KCTD16: variants seen among roughly 807,000 people sequenced by gnomAD.
KCTD16 encodes BTB/POZ domain-containing protein KCTD16.
In KCTD16, 13 loss-of-function variants were observed where a neutral mutation model predicts 33.2. That is an observed-to-expected ratio of 0.39 (90% CI 0.25 to 0.62). The LOEUF (loss-of-function observed/expected upper bound fraction) is 0.62, where lower values mean the gene tolerates loss of function less well. Among genes scored for constraint, KCTD16 ranks in the 20% least tolerant of loss-of-function variants. KCTD16 has a pLI of 0.50. For synonymous variants in KCTD16, 197 were observed against 195.3 expected (o/e 1.01, Z -0.07); for missense variants, 441 against 525.1 (o/e 0.84, Z 1.57).
intron 3 of KCTD16, among the ~76,000 whole-genome samples, chr5:144,399,923 T>A (rs62401782): frequency 0.024 from 3,599 of 152,214 alleles, 62 homozygotes; most frequent in Non-Finnish European, 0.038. Context: ...AAATTTGAAT[T>A]TAAATCCTCA....
chr5:144,333,663 T>C (rs2126893050), intron 3 of KCTD16, among the ~76,000 whole-genome samples: 1 of 152,258 alleles, frequency 6.6e-6, no homozygotes, highest in East Asian at 1.9e-4. Flanking sequence ...AACTCAGCTC[T>C]GTTTCATGTG....
intron 3 of KCTD16, among the ~76,000 whole-genome samples, chr5:144,434,979 G>A (rs112765313): frequency 0.015 from 2,303 of 152,266 alleles, 55 homozygotes; most frequent in African/African-American, 0.05. Context: ...AGAGGAAGGC[G>A]CATGAGGAAG....
rs1283068622 is a variant in KCTD16, at chr5:144,474,462, T to G, written c.*348T>G. 1 of 194,590 alleles carries G rather than the reference T, an allele frequency of 5.1e-6. No homozygotes were observed. The highest frequency in any genetic ancestry group is 2.4e-5 in the African/African-American group (1 of 42,098). The allele number at this position is 194,590 out of a possible 1,614,324, so 12.1% of individuals were successfully genotyped here. On this transcript the variant is annotated 3_prime_UTR_variant, in exon 4 of 4. Transcript: ENST00000512467. ...CCAAACTGGGTTTTTTCTCTCATCC[T>G]TCTACCTCCCTCCTTTGAATGAGGG... is the stretch of plus-strand genomic sequence containing the variant.
chr5:144,440,729 G>T (rs760352760), intron 3 of KCTD16, among the ~76,000 whole-genome samples: 2 of 151,660 alleles, frequency 1.3e-5, no homozygotes, highest in Non-Finnish European at 2.9e-5. Flanking sequence ...GAATAATGTT[G>T]AGTTTTTTTA....
intron 2 of KCTD16, among the ~76,000 whole-genome samples, chr5:144,190,203 A>ACT (rs1752813887): frequency 6.6e-6 from 1 of 152,176 alleles, no homozygotes; most frequent in East Asian, 1.9e-4. Context: ...TGTCTCTCTT[A>ACT]CTAGACTATG....
intron 2 of KCTD16, among the ~76,000 whole-genome samples, chr5:144,194,338 C>T (rs1037216000): frequency 6.6e-6 from 1 of 152,210 alleles, no homozygotes; most frequent in Admixed American, 6.5e-5. Flanking sequence ...CATTACAACA[C>T]TGCCGTATGG....
chr5:144,221,671 G>T (rs899099692), intron 3 of KCTD16, among the ~76,000 whole-genome samples: 2 of 152,170 alleles, frequency 1.3e-5, no homozygotes, highest in African/African-American at 4.8e-5. Flanking sequence ...TATTATTGAT[G>T]GGCATTTGGG....
In KCTD16 at chr5:144,251,912, A is replaced by G. The variant is rs540323295; in HGVS notation, c.832+44366A>G. On this transcript the variant is annotated intron_variant, in intron 3 of 3. Transcript: ENST00000512467. ...TCATTAATTAATGTTTAAAATGTAA[A>G]GGAGACAACCATCCCATTTATCATC... 2.6e-5 allele frequency among the ~76,000 whole-genome samples: 4 copies of G among 152,294 alleles called. No homozygotes were observed. The East Asian group carries it at 7.7e-4, about 29-fold the overall frequency.
chr5:144,452,088 T>C (rs1477130840), intron 3 of KCTD16, among the ~76,000 whole-genome samples: 1 of 150,690 alleles, frequency 6.6e-6, no homozygotes, highest in African/African-American at 2.5e-5. Flanking sequence ...TTGATCAGAA[T>C]GAGTGGAAAA....
intron 3 of KCTD16, among the ~76,000 whole-genome samples, chr5:144,464,468 A>G (rs1331293057): frequency 6.6e-6 from 1 of 152,226 alleles, no homozygotes; most frequent in South Asian, 2.1e-4. Context: ...ACTAATGGCA[A>G]TAAATGGATA....
At chr5:144,249,732 C>A (rs532853920) in intron 3 of KCTD16, among the ~76,000 whole-genome samples, 2 of 152,114 alleles carry the variant, frequency 1.3e-5, no homozygotes, top group African/African-American at 4.8e-5. Context: ...ATAGGTCAGG[C>A]TATCCGTATT....
chr5:144,207,288 A>G lies in KCTD16; in HGVS notation c.574A>G (p.Ile192Val). 6.2e-7 allele frequency: 1 copy of G among 1,614,182 alleles called. No homozygotes were observed. The highest frequency in any genetic ancestry group is 8.5e-7 in the Non-Finnish European group (1 of 1,180,036). ...TGCCAAGTTTCGGAGAGTTCCCCGG[A>G]TTTTGGTTTGTGGAAGGATTTCCTT... ...ADAKFRRVPR[I>V]LVCGRISLAK... Residue 192 changes from isoleucine to valine, a missense_variant, in exon 3 of 4, where the codon ATT becomes GTT. Transcript: ENST00000512467.
chr5:144,373,921 G>A (rs1042388053), intron 3 of KCTD16, among the ~76,000 whole-genome samples: 3 of 152,182 alleles, frequency 2.0e-5, no homozygotes, highest in East Asian at 1.9e-4. Flanking sequence ...CAGCACAAAT[G>A]TATTATCGTA....
intron 3 of KCTD16, among the ~76,000 whole-genome samples, chr5:144,338,218 G>A (rs7713195): frequency 2.3e-4 from 35 of 152,048 alleles, no homozygotes; most frequent in African/African-American, 8.2e-4. Context: ...TGCGTCCTGG[G>A]AAAAAATGTT....
chr5:144,231,681 A>C (rs1754107553), intron 3 of KCTD16, among the ~76,000 whole-genome samples: 1 of 152,046 alleles, frequency 6.6e-6, no homozygotes, highest in Non-Finnish European at 1.5e-5. Flanking sequence ...TACTGTTCTC[A>C]TGATAGTGAA....
chr5:144,307,324 G>A (rs1282979495), intron 3 of KCTD16, among the ~76,000 whole-genome samples: 2 of 152,076 alleles, frequency 1.3e-5, no homozygotes, highest in South Asian at 2.1e-4. Context: ...CAGTGGCCTC[G>A]CTCACAGCAG....
intron 3 of KCTD16, among the ~76,000 whole-genome samples, chr5:144,272,850 A>G (rs186478630): frequency 6.6e-6 from 1 of 152,310 alleles, no homozygotes; most frequent in Non-Finnish European, 1.5e-5. Context: ...AAAAGATCTA[A>G]ATGTAAGACC....
intron 3 of KCTD16, among the ~76,000 whole-genome samples, chr5:144,425,817 C>T (rs1026896900): frequency 6.6e-6 from 1 of 152,028 alleles, no homozygotes; most frequent in Non-Finnish European, 1.5e-5. Flanking sequence ...CTATTCTGCC[C>T]TCCTAGAGCT....
chr5:144,304,459 C>T (rs1214669169), intron 3 of KCTD16, among the ~76,000 whole-genome samples: 3 of 152,156 alleles, frequency 2.0e-5, no homozygotes, highest in East Asian at 1.9e-4. Flanking sequence ...ATTGTTTCTT[C>T]GGAGGAAAGC....
Sources: allele counts gnomAD v4.1 joint callset (sites outside exome capture counted in the v4.1 genomes callset), GRCh38; gene constraint gnomAD v4.1.1; transcripts MANE v1.5; gene names NCBI Gene and HGNC (gene_info 2026-07-23, HGNC 2026-07-21).